Variants in SCHIP1 observed in about 807,000 individuals in gnomAD.
SCHIP1 encodes the protein schwannomin interacting protein 1.
SCHIP1 carries 8 observed loss-of-function variants against 29.7 expected under a neutral mutation model. The observed-to-expected ratio is 0.27, with a 90% confidence interval of 0.16 to 0.49. The LOEUF (loss-of-function observed/expected upper bound fraction) is 0.49. Ranked by LOEUF, SCHIP1 falls within the 20% of genes least tolerant of loss-of-function variation. The probability of loss-of-function intolerance (pLI) is 0.99; values close to 1 mark genes in which losing one functional copy is unlikely to be tolerated. For synonymous variants in SCHIP1, 76 were observed against 94.9 expected, an observed-to-expected ratio of 0.80 and a Z score of 1.16; for missense variants, 193 against 294.6, an observed-to-expected ratio of 0.66 and a Z score of 2.52.
At chr3:159,687,307 C>A in the SCHIP1 span, among the ~76,000 whole-genome samples, 3 of 152,062 alleles carry the variant, frequency 2.0e-5, no homozygotes, top group African/African-American at 4.8e-5. Flanking sequence ...GAAAAAAGAG[C>A]TCTTTTTCTT....
the SCHIP1 span, among the ~76,000 whole-genome samples, chr3:159,691,558 G>A: frequency 3.3e-5 from 5 of 151,216 alleles, no homozygotes; most frequent in South Asian, 2.1e-4. Context: ...TTTTCAATTC[G>A]CCAGTCTGTG....
At chr3:159,864,289 G>A (rs994898325) in intron 1 of SCHIP1, among the ~76,000 whole-genome samples, 1 of 152,086 alleles carries the variant, frequency 6.6e-6, no homozygotes, top group African/African-American at 2.4e-5. Context: ...AAGCAGTACA[G>A]TTGCAAGTGG....
chr3:159,765,295 T>C, the SCHIP1 span: 5 of 858,188 alleles, frequency 5.8e-6, no homozygotes, highest in East Asian at 6.3e-5. Flanking sequence ...TCTGCTCCCC[T>C]GGGGATAAGG....
chr3:159,364,119 C>CTGTT, the SCHIP1 span, among the ~76,000 whole-genome samples: 4 of 152,204 alleles, frequency 2.6e-5, 1 homozygote, highest in Admixed American at 2.6e-4. Flanking sequence ...AACATTTTTA[C>CTGTT]TGTTTTTTTG....
the SCHIP1 span, among the ~76,000 whole-genome samples, chr3:159,828,304 G>A: frequency 6.7e-6 from 1 of 149,070 alleles, no homozygotes; most frequent in Non-Finnish European, 1.5e-5. Flanking sequence ...ATCAACTCTA[G>A]AACCATCAAA....
the SCHIP1 span, among the ~76,000 whole-genome samples, chr3:159,756,552 A>G: frequency 8.5e-5 from 13 of 152,222 alleles, no homozygotes; most frequent in Admixed American, 7.8e-4. Flanking sequence ...GACATGCCCT[A>G]GAGACATTTT....
chr3:159,302,675 A>G, the SCHIP1 span, among the ~76,000 whole-genome samples: 1 of 152,196 alleles, frequency 6.6e-6, no homozygotes, highest in Non-Finnish European at 1.5e-5. Context: ...TGTGTGCATA[A>G]TGTTGCCTGG....
the SCHIP1 span, among the ~76,000 whole-genome samples, chr3:159,617,118 C>T: frequency 6.6e-6 from 1 of 152,110 alleles, no homozygotes; most frequent in Non-Finnish European, 1.5e-5. Context: ...CCCATCCAAC[C>T]ACTAGGGTCT....
At chr3:159,392,792 T>G in the SCHIP1 span, among the ~76,000 whole-genome samples, 351 of 152,292 alleles carry the variant, frequency 2.3e-3, 3 homozygotes, top group Non-Finnish European at 3.6e-3. Flanking sequence ...TGTGTCTTTA[T>G]AGCAGCATGA....
chr3:159,529,799 C>G, the SCHIP1 span, among the ~76,000 whole-genome samples: 1 of 152,210 alleles, frequency 6.6e-6, no homozygotes, highest in African/African-American at 2.4e-5. Context: ...CCATTCTATT[C>G]CCTCCTTCCA....
the SCHIP1 span, among the ~76,000 whole-genome samples, chr3:159,524,442 C>T: frequency 6.6e-6 from 1 of 152,278 alleles, no homozygotes; most frequent in South Asian, 2.1e-4. Context: ...CTTCATCTTG[C>T]CCAGATTCCT....
chr3:159,586,727 G>C, the SCHIP1 span, among the ~76,000 whole-genome samples: 1 of 152,100 alleles, frequency 6.6e-6, no homozygotes, highest in East Asian at 1.9e-4. Flanking sequence ...CTAGGCCTGA[G>C]GATGGTCCAG....
the SCHIP1 span, among the ~76,000 whole-genome samples, chr3:159,358,629 T>TTGAC: frequency 2.0e-5 from 3 of 152,288 alleles, no homozygotes; most frequent in South Asian, 6.2e-4. Context: ...GAGAACTTGG[T>TTGAC]TGACTATTAA....
the SCHIP1 span, among the ~76,000 whole-genome samples, chr3:159,446,027 A>G: frequency 4.9e-4 from 74 of 151,602 alleles, no homozygotes; most frequent in South Asian, 0.015. Flanking sequence ...AAAGTATAAT[A>G]ATAATAATAA....
At chr3:159,591,952 T>TA in the SCHIP1 span, among the ~76,000 whole-genome samples, 1 of 128,278 alleles carries the variant, frequency 7.8e-6, no homozygotes, top group Non-Finnish European at 1.7e-5. Context: ...AAATTAAAAC[T>TA]AAAAAATGTG....
At chr3:159,625,405 A>T in the SCHIP1 span, among the ~76,000 whole-genome samples, 1 of 152,172 alleles carries the variant, frequency 6.6e-6, no homozygotes, top group Admixed American at 6.6e-5. Context: ...ATTAACCAGG[A>T]AGCTTATGGG....
chr3:159,613,056 T>C, the SCHIP1 span, among the ~76,000 whole-genome samples: 1 of 152,236 alleles, frequency 6.6e-6, no homozygotes, highest in African/African-American at 2.4e-5. Context: ...ATGTCATTTT[T>C]GGTCACATAA....
At chr3:159,460,874 A>T in the SCHIP1 span, among the ~76,000 whole-genome samples, 1 of 152,180 alleles carries the variant, frequency 6.6e-6, no homozygotes, top group Non-Finnish European at 1.5e-5. Context: ...AGTTTGAAGT[A>T]GAGAAAAAAA....
At chr3:159,516,525 C>T in the SCHIP1 span, among the ~76,000 whole-genome samples, 1 of 152,042 alleles carries the variant, frequency 6.6e-6, no homozygotes, top group Non-Finnish European at 1.5e-5. Context: ...TGAAACTGCC[C>T]TCTAAAAACA....
Sources: gnomAD v4.1 joint callset for allele counts (sites outside exome capture counted in the v4.1 genomes callset) on GRCh38, gnomAD v4.1.1 for gene constraint, MANE v1.5 for transcripts, NCBI Gene and HGNC (gene_info 2026-07-23, HGNC 2026-07-21) for gene names.